The following TMEM140 variants were observed in gnomAD, a reference collection of about 807,000 sequenced individuals.
The protein encoded by TMEM140 is transmembrane protein 140.
For missense variants in TMEM140, 236 were observed against 228.5 expected, an observed-to-expected ratio of 1.03 and a Z score of -0.21; for synonymous variants, 107 against 106.8, an observed-to-expected ratio of 1.00 and a Z score of -0.01.
intron 1 of TMEM140, among the ~76,000 whole-genome samples, chr7:135,156,886 T>C (rs1344763740): frequency 1.3e-5 from 2 of 152,180 alleles, no homozygotes; most frequent in East Asian, 3.9e-4. Context: ...GGGCTGGTCT[T>C]TCCCATGCTA....
chr7:135,156,203 T>G (rs1000057053), intron 1 of TMEM140, among the ~76,000 whole-genome samples: 4 of 152,202 alleles, frequency 2.6e-5, no homozygotes, highest in African/African-American at 9.6e-5. Flanking sequence ...CTTCAGACAT[T>G]TTGAATATGC....
At chr7:135,156,043 T>TC (rs1375475434) in intron 1 of TMEM140, among the ~76,000 whole-genome samples, 1 of 147,488 alleles carries the variant, frequency 6.8e-6, no homozygotes, top group East Asian at 1.9e-4. Flanking sequence ...TTTTTTTTTT[T>TC]CCCTTTAGCA....
rs1397255391 is a variant in TMEM140 at position 135,151,561 on chromosome 7, T to C, written c.-25+3291T>C. 1.3e-5 allele frequency among the ~76,000 whole-genome samples: 2 copies of C among 152,184 alleles called. No homozygotes were observed. Among genetic ancestry groups the C allele is most frequent in the Non-Finnish European group, 2.9e-5 (2 of 68,026 alleles). On this transcript the variant is annotated intron_variant, in intron 1 of 1. Coordinates refer to ENST00000275767, the MANE Select transcript of TMEM140 (RefSeq NM_018295.5). This position sits in a 1 kb window ranked among gnomAD's most constrained non-coding sequence, Gnocchi z 4.3. ...TCCATTCAGGCGACACACCCAACCA[T>C]GTCTACCTGACTCTCCGTCAATTCC...
At chr7:135,159,376 G>A (rs752799082) in intron 1 of TMEM140, among the ~76,000 whole-genome samples, 2 of 152,128 alleles carry the variant, frequency 1.3e-5, no homozygotes, top group Admixed American at 6.5e-5. Context: ...TCTTTCAGCC[G>A]CCATCCCATT....
rs1427118472 is a variant in TMEM140 at position 135,165,787 on chromosome 7, T to C, written c.*788T>C. On this transcript the variant is annotated 3_prime_UTR_variant, in exon 2 of 2. Coordinates refer to ENST00000275767, the MANE Select transcript of TMEM140 (RefSeq NM_018295.5). The stretch of plus-strand genomic sequence containing the variant: ...GAAAGACATTAGCACAACTTACGCA[T>C]TGGGGAATTGTGTGTATTTTCTAGC... The C allele has an allele frequency of 6.0e-6, 1 of 166,218 alleles. No homozygotes were observed. Among genetic ancestry groups the C allele is most frequent in the African/African-American group, 2.5e-5 (1 of 40,584 alleles). 10.3% of individuals were successfully genotyped at this position (166,218 alleles called of 1,614,324 possible). A position where few individuals can be genotyped will look rare whatever the true frequency, so the allele number is the denominator to read the frequency against.
chr7:135,150,830 T>C (rs1481174870), intron 1 of TMEM140, among the ~76,000 whole-genome samples: 1 of 152,202 alleles, frequency 6.6e-6, no homozygotes, highest in Non-Finnish European at 1.5e-5. Context: ...CATTCCACCC[T>C]GGGTGACAGA....
chr7:135,162,725 T>C (rs1450543929), intron 1 of TMEM140, among the ~76,000 whole-genome samples: 1 of 152,202 alleles, frequency 6.6e-6, no homozygotes, highest in East Asian at 1.9e-4. Context: ...ATGGGAGCTA[T>C]AATTCAAGAT....
At chr7:135,150,632 C>G (rs946986501) in intron 1 of TMEM140, among the ~76,000 whole-genome samples, 1 of 152,224 alleles carries the variant, frequency 6.6e-6, no homozygotes, top group Non-Finnish European at 1.5e-5. Flanking sequence ...AAGGCAGTCA[C>G]CAGTTTCTGG....
rs111337252 is a variant in TMEM140, at chr7:135,161,738, C to A, written c.-24-2680C>A. Among the ~76,000 whole-genome samples the A allele has an allele frequency of 2.1e-3, 313 of 152,320 alleles. No homozygotes were observed. Among genetic ancestry groups the A allele is most frequent in the African/African-American group, 7.1e-3 (297 of 41,564 alleles). ...CAAGAATCTCTCAACTACATTCAAA[C>A]CCGAGTCTTCAGACCCTTGGCCCTC... On this transcript the variant is annotated intron_variant, in intron 1 of 1. Coordinates refer to ENST00000275767, the MANE Select transcript of TMEM140 (RefSeq NM_018295.5). This position sits in a 1 kb window ranked among gnomAD's most constrained non-coding sequence, Gnocchi z 4.1.
At chr7:135,154,866 G>A (rs1439901689) in intron 1 of TMEM140, among the ~76,000 whole-genome samples, 1 of 152,142 alleles carries the variant, frequency 6.6e-6, no homozygotes, top group Non-Finnish European at 1.5e-5. Flanking sequence ...TTGGTCTAAA[G>A]TTCAATTTAA....
rs547580901 is a variant in TMEM140 at position 135,152,555 on chromosome 7, C to T, written c.-25+4285C>T. 3.9e-5 allele frequency among the ~76,000 whole-genome samples: 6 copies of T among 152,296 alleles called. No individual in the cohort carries two copies. The East Asian group carries it at 9.6e-4, about 24-fold the overall frequency. On this transcript the variant is annotated intron_variant, in intron 1 of 1. Transcript: ENST00000275767. ...GTTGTAAGAAATTAATAAGACAATA[C>T]CTGTTAAGTGCTTAGCACAGGGCCT... is the stretch of plus-strand genomic sequence containing the variant.
At chr7:135,155,830 G>A (rs571363409) in intron 1 of TMEM140, among the ~76,000 whole-genome samples, 3 of 152,220 alleles carry the variant, frequency 2.0e-5, no homozygotes, top group Non-Finnish European at 4.4e-5. Context: ...CAGGTTGAGT[G>A]ACAAAGCAAG....
At chr7:135,159,716 G>GA (rs1829880178) in intron 1 of TMEM140, among the ~76,000 whole-genome samples, 1 of 152,148 alleles carries the variant, frequency 6.6e-6, no homozygotes, top group Admixed American at 6.5e-5. Flanking sequence ...AACAAAAACT[G>GA]AAACTCAAAA....
At chr7:135,163,831 G>C (rs1402345538) in intron 1 of TMEM140, among the ~76,000 whole-genome samples, 2 of 152,240 alleles carry the variant, frequency 1.3e-5, no homozygotes, top group African/African-American at 4.8e-5. Flanking sequence ...GGGTGTGTCA[G>C]TGGTCCTTGA....
chr7:135,161,602 C>T lies in TMEM140; in HGVS notation c.-24-2816C>T, dbSNP rs538930993. Among the ~76,000 whole-genome samples, 3 of 152,220 alleles carry T rather than the reference C, an allele frequency of 2.0e-5. No homozygotes were observed. The highest frequency in any genetic ancestry group is 1.9e-4 in the East Asian group (1 of 5,202). The stretch of plus-strand genomic sequence containing the variant: ...AAAACCATACAAAATATGTTCCCGT[C>T]GGCAATTTTTCCCATACCATGGACT... On this transcript the variant is annotated intron_variant, in intron 1 of 1. Coordinates refer to ENST00000275767, the MANE Select transcript of TMEM140 (RefSeq NM_018295.5). The surrounding 1 kb of genome is among the most constrained non-coding windows in gnomAD (Gnocchi z 4.1).
In TMEM140 at chr7:135,161,547, T is replaced by C. The variant is rs1313541881; in HGVS notation, c.-24-2871T>C. On this transcript the variant is annotated intron_variant, in intron 1 of 1. Coordinates refer to ENST00000275767, the MANE Select transcript of TMEM140 (RefSeq NM_018295.5). This position sits in a 1 kb window ranked among gnomAD's most constrained non-coding sequence, Gnocchi z 4.1. ...CCCAAACCCATTAAAAGCACAGATATAGGCTTTTACAAACATTTACTAAAT... is the reference window on the plus strand; with the variant it reads ...CCCAAACCCATTAAAAGCACAGATACAGGCTTTTACAAACATTTACTAAAT... Among the ~76,000 whole-genome samples the C allele has an allele frequency of 1.3e-5, 2 of 152,292 alleles. No homozygotes were observed. The highest frequency in any genetic ancestry group is 2.1e-4 in the South Asian group (1 of 4,830).
intron 1 of TMEM140, among the ~76,000 whole-genome samples, chr7:135,164,185 G>A (rs1585361098): frequency 6.6e-6 from 1 of 152,230 alleles, no homozygotes; most frequent in Admixed American, 6.5e-5. Flanking sequence ...CACTTTCAAA[G>A]CTGCTTGGGA....
chr7:135,165,855 T>C lies in TMEM140; in HGVS notation c.*856T>C, dbSNP rs558840066. The C allele has an allele frequency of 1.8e-5, 3 of 167,142 alleles. No homozygotes were observed. The highest frequency in any genetic ancestry group is 2.4e-5 in the African/African-American group (1 of 41,464). 10.4% of individuals were successfully genotyped at this position (167,142 alleles called of 1,614,324 possible). On this transcript the variant is annotated 3_prime_UTR_variant, in exon 2 of 2. Transcript: ENST00000275767. ...CCTGTATGGCAGTGATTTATTCATA[T>C]ATTCCTGTCCAAAGCCACACTGAAA...
At chr7:135,149,531 T>C (rs954620036) in intron 1 of TMEM140, among the ~76,000 whole-genome samples, 2 of 152,236 alleles carry the variant, frequency 1.3e-5, no homozygotes, top group African/African-American at 4.8e-5. Context: ...ATTGCTGTCT[T>C]AGGATAGATT....
Sources: gnomAD v4.1 joint callset for allele counts (sites outside exome capture counted in the v4.1 genomes callset) on GRCh38, gnomAD v4.1.1 for gene constraint, Gnocchi (gnomAD v3.1) non-coding constraint, MANE v1.5 for transcripts, NCBI Gene and HGNC (gene_info 2026-07-23, HGNC 2026-07-21) for gene names.